Variants in HDLBP observed in about 807,000 individuals in gnomAD.
HDLBP encodes the protein vigilin.
HDLBP carries 30 observed loss-of-function variants against 137.3 expected under a neutral mutation model. The observed-to-expected ratio is 0.22, with a 90% CI of 0.16 to 0.30. HDLBP has a LOEUF of 0.30. Ranked by LOEUF, HDLBP falls within the 10% of genes least tolerant of loss-of-function variation. HDLBP has a pLI of 1.00. For synonymous variants in HDLBP, 606 were observed against 596.0 expected (o/e 1.02, Z -0.24); for missense variants, 1,119 against 1,667.3 (o/e 0.67, Z 5.73).
In HDLBP at chr2:241,238,857, C is replaced by T. The variant is rs573777444; in HGVS notation, c.2611-70G>A. The stretch of plus-strand genomic sequence containing the variant: ...ATTCCTTAGGGCAAGTTTTACAGCA[C>T]TCTTCACACCACCTTCCTCCCTGTC... On this transcript the variant is annotated intron_variant, in intron 19 of 27. Transcript: ENST00000310931. This position sits in a 1 kb window ranked among gnomAD's most constrained non-coding sequence, Gnocchi z 4.9. 17 of 1,268,828 alleles carry T rather than the reference C, an allele frequency of 1.3e-5. No individual in the cohort carries two copies. The East Asian group carries it at 4.0e-4, about 30-fold the overall frequency. 78.6% of individuals were successfully genotyped at this position (1,268,828 alleles called of 1,614,324 possible).
intron 1 of HDLBP, among the ~76,000 whole-genome samples, chr2:241,281,951 T>A (rs571946430): frequency 6.6e-6 from 1 of 152,134 alleles, no homozygotes; most frequent in African/African-American, 2.4e-5. Flanking sequence ...GACAAGGGAG[T>A]TTTTCTCATT....
At chr2:241,281,748 A>G (rs2074617213) in intron 1 of HDLBP, among the ~76,000 whole-genome samples, 1 of 152,228 alleles carries the variant, frequency 6.6e-6, no homozygotes, top group Non-Finnish European at 1.5e-5. Context: ...ACATTTTATT[A>G]TTAGTTTTAG....
At chr2:241,231,550 G>A (rs1258419893) in intron 24 of HDLBP, among the ~76,000 whole-genome samples, 1 of 152,150 alleles carries the variant, frequency 6.6e-6, no homozygotes, top group Non-Finnish European at 1.5e-5. Flanking sequence ...TGGACTCAAG[G>A]ACAGCGGGGC....
intron 24 of HDLBP, chr2:241,231,450 C>G (rs2069741616): frequency 6.6e-6 from 1 of 152,404 alleles, no homozygotes; most frequent in Non-Finnish European, 1.5e-5. Context: ...CCATCTCTTC[C>G]CAAACTCTAC....
chr2:241,276,543 A>G (rs1447377086), intron 1 of HDLBP, among the ~76,000 whole-genome samples: 3 of 152,154 alleles, frequency 2.0e-5, no homozygotes, highest in Non-Finnish European at 4.4e-5. Flanking sequence ...AACAGACTAA[A>G]CTGACCAACT....
At chr2:241,309,726 G>C (rs563403097) in intron 1 of HDLBP, among the ~76,000 whole-genome samples, 23 of 152,224 alleles carry the variant, frequency 1.5e-4, no homozygotes, top group African/African-American at 5.5e-4. Flanking sequence ...TCTGCAAAGG[G>C]AAGTAGAATC....
chr2:241,293,978 T>C (rs2075093830), intron 1 of HDLBP, among the ~76,000 whole-genome samples: 1 of 147,432 alleles, frequency 6.8e-6, no homozygotes, highest in Non-Finnish European at 1.5e-5. Flanking sequence ...AAAAGCAAAA[T>C]CAGTTTCTTT....
intron 1 of HDLBP, among the ~76,000 whole-genome samples, chr2:241,300,300 G>A (rs1248107850): frequency 6.6e-6 from 1 of 152,124 alleles, no homozygotes; most frequent in Non-Finnish European, 1.5e-5. Flanking sequence ...GTCGTACACT[G>A]CCCTAAAAGA....
intron 1 of HDLBP, among the ~76,000 whole-genome samples, chr2:241,292,383 GA>G (rs1341174864): frequency 6.6e-6 from 1 of 152,146 alleles, no homozygotes; most frequent in Non-Finnish European, 1.5e-5. Flanking sequence ...CTAAAAAAGG[GA>G]AAAGAAGCTG....
chr2:241,252,867 T>C, intron 11 of HDLBP, 90 bp downstream of exon 11: 1 of 840,716 alleles, frequency 1.2e-6, no homozygotes, highest in South Asian at 1.5e-5. Context: ...GCCTGGACTG[T>C]CTGCACGGAC....
rs1162180632 is a variant in HDLBP, at chr2:241,239,361, TCTC to T, written c.2610+238_2610+240del. On this transcript the variant is annotated intron_variant, in intron 19 of 27. Coordinates refer to ENST00000310931, the MANE Select transcript of HDLBP (RefSeq NM_005336.6). This position sits in a 1 kb window ranked among gnomAD's most constrained non-coding sequence, Gnocchi z 4.6. The stretch of plus-strand genomic sequence containing the variant: ...CCTCTCTCTCTCTCCCCTCTCCTCT[TCTC>T]CTTCTCTCTCTCTTTTTTTTTTTAA... 1.3e-5 allele frequency among the ~76,000 whole-genome samples: 2 copies of T among 152,036 alleles called. No individual in the cohort carries two copies. The highest frequency in any genetic ancestry group is 4.8e-5 in the African/African-American group (2 of 41,398).
intron 10 of HDLBP, 77 bp downstream of exon 10, chr2:241,253,316 T>C (rs1437864455): frequency 6.1e-6 from 6 of 979,496 alleles, no homozygotes; most frequent in Non-Finnish European, 1.0e-5. Flanking sequence ...TGGGATGTCA[T>C]CGAGAGATGA....
intron 6 of HDLBP, 61 bp from the exon 7 acceptor site, chr2:241,256,460 G>C: frequency 6.6e-7 from 1 of 1,524,258 alleles, no homozygotes; most frequent in Non-Finnish European, 9.0e-7. Context: ...GGGACAGACA[G>C]GGCTTTTTAG....
At chr2:241,300,385 A>G (rs957166624) in intron 1 of HDLBP, among the ~76,000 whole-genome samples, 6 of 152,222 alleles carry the variant, frequency 3.9e-5, no homozygotes. Context: ...CTGCCCAGCG[A>G]GAATTAGGAA....
At chr2:241,271,028 G>T in intron 1 of HDLBP, 1 of 985,374 alleles carries the variant, frequency 1.0e-6, no homozygotes. Flanking sequence ...CCCCTGCATG[G>T]CTGTAAACGC....
At chr2:241,308,142 C>T (rs752168796) in intron 1 of HDLBP, among the ~76,000 whole-genome samples, 22 of 152,066 alleles carry the variant, frequency 1.4e-4, no homozygotes, top group South Asian at 2.1e-4. Flanking sequence ...GCCTGATGTG[C>T]GGGAAATACG....
At position 241,248,049 on chromosome 2, in the gene HDLBP, T is replaced by C. The variant is rs1213442886; in HGVS notation, c.1685A>G (p.Glu562Gly). 6.2e-7 allele frequency: 1 copy of C among 1,614,044 alleles called. No individual in the cohort carries two copies. Among genetic ancestry groups the C allele is most frequent in the Non-Finnish European group, 8.5e-7 (1 of 1,180,012 alleles). The change falls in exon 14 of 28, where the codon GAG becomes GGG. Residue 562 changes from glutamate (E) to glycine (G), a missense_variant. Physicochemically the swap from Glu to Gly is moderately conservative, Grantham distance 98. This residue lies in a region of HDLBP where 425 missense variants were observed against 693.9 expected (regional missense o/e 0.61). Transcript: ENST00000310931. ...DIVQLRGPKN[E>G]VEKCTKYMQK... is the part of the protein sequence containing the mutation. ...CATGTATTTTGTGCATTTTTCCACCTCATTCTTAGGTCCTCTGAGCTGGAC... is the reference window on the plus strand; with the variant it reads ...CATGTATTTTGTGCATTTTTCCACCCCATTCTTAGGTCCTCTGAGCTGGAC...
Position 241,256,272 on chromosome 2 carries a change from C to A in HDLBP, c.785G>T (p.Ser262Ile), listed in dbSNP as rs755531759. 1.2e-6 allele frequency: 2 copies of A among 1,614,076 alleles called. No individual in the cohort carries two copies. Among genetic ancestry groups the A allele is most frequent in the Admixed American group, 3.3e-5 (2 of 59,992 alleles). Residue 262 changes from serine to isoleucine, a missense_variant, in exon 7 of 28, where the codon AGC (serine) becomes ATC (isoleucine). This residue lies in a region of HDLBP where 425 missense variants were observed against 693.9 expected (regional missense o/e 0.61). Transcript: ENST00000310931. ...GAAGACAATCTCTGTCCGGTTCACG[C>A]TGGGTGGGGGGATGTTGATGCGCGT... The part of the protein sequence containing the change: ...TGTRINIPPP[S>I]VNRTEIVFTG...
chr2:241,309,349 C>T lies in HDLBP; in HGVS notation c.-103+6221G>A, dbSNP rs552067185. ...ACTTCCTGGAACAGTGTCTCCAGCACGAGCCGTTGTCAGATCAATACATTT... is the reference window on the plus strand; with the variant it reads ...ACTTCCTGGAACAGTGTCTCCAGCATGAGCCGTTGTCAGATCAATACATTT... On this transcript the variant is annotated intron_variant, in intron 1 of 27. Coordinates refer to ENST00000310931, the MANE Select transcript of HDLBP (RefSeq NM_005336.6). 1.6e-3 allele frequency among the ~76,000 whole-genome samples: 247 copies of T among 152,292 alleles called. 1 individual carries two copies. Among genetic ancestry groups the T allele is most frequent in the African/African-American group, 5.5e-3 (228 of 41,552 alleles).
Sources: gnomAD v4.1 joint callset for allele counts (sites outside exome capture counted in the v4.1 genomes callset) on GRCh38, gnomAD v4.1.1 for gene constraint, gnomAD v4.1.1 regional missense constraint, Gnocchi (gnomAD v3.1) non-coding constraint, MANE v1.5 for transcripts, NCBI Gene and HGNC (gene_info 2026-07-23, HGNC 2026-07-21) for gene names.